FMR1: variants seen among roughly 807,000 people sequenced by gnomAD.
The protein encoded by FMR1 is FMRP translational regulator 1.
A neutral mutation model predicts 50.6 loss-of-function variants in FMR1; 13 were observed. The ratio of observed to expected loss-of-function variants is 0.26; its 90% CI spans 0.17 to 0.41. The LOEUF is 0.41. Ranked by LOEUF, FMR1 falls within the 10% of genes least tolerant of loss-of-function variation. The pLI, the probability that FMR1 is intolerant of heterozygous loss-of-function variation, is 1.00. For synonymous variants in FMR1, 138 were observed against 164.1 expected, an observed-to-expected ratio of 0.84 and a Z score of 1.22; for missense variants, 316 against 491.3, an observed-to-expected ratio of 0.64 and a Z score of 3.37.
chrX:147,933,540 C>T (rs1369226514), intron 9 of FMR1: 20 of 904,665 alleles, frequency 2.2e-5, no homozygotes, highest in Admixed American at 6.4e-5. Context: ...CCATCACCAT[C>T]GTGAGTATCA....
chrX:147,930,929 A>G (rs1348680763), intron 7 of FMR1: 1 of 112,237 alleles, frequency 8.9e-6, no homozygotes, highest in Non-Finnish European at 1.9e-5. Flanking sequence ...ATAGTAAAGA[A>G]AAAAAGGAGT....
chrX:147,945,292 C>T, intron 15 of FMR1, among the ~76,000 whole-genome samples: 1 of 112,008 alleles, frequency 8.9e-6, no homozygotes, highest in Non-Finnish European at 1.9e-5. Flanking sequence ...CTTGGTGGGT[C>T]TAAACAGCAT....
At chrX:147,931,959 T>G (rs910352050) in intron 7 of FMR1, among the ~76,000 whole-genome samples, 2 of 111,923 alleles carry the variant, frequency 1.8e-5, no homozygotes, top group African/African-American at 6.5e-5. Context: ...TGGCACTGTT[T>G]CCAGAAAATA....
In FMR1 at chrX:147,944,669, T is replaced by C. The variant is rs2044113395; in HGVS notation, c.1472-200T>C. 6.7e-6 allele frequency: 7 copies of C among 1,049,880 alleles called. No homozygotes were observed. The South Asian group carries it at 8.6e-5, about 13-fold the overall frequency. 86.5% of individuals were successfully genotyped at this position (1,049,880 alleles called of 1,213,427 possible). ...GAATGAAACATGTTTATAACCAAAA[T>C]TAACCTCAAATATTGCAAAGCCCTT... On this transcript the variant is annotated intron_variant, in intron 14 of 16. Coordinates refer to ENST00000370475, the MANE Select transcript of FMR1 (RefSeq NM_002024.6).
In FMR1 at chrX:147,938,022, G is replaced by T. The variant is rs2043850813; in HGVS notation, c.1126-77G>T. 4 of 791,296 alleles carry T rather than the reference G, an allele frequency of 5.1e-6. No homozygotes were observed. In the South Asian group the frequency reaches 8.2e-5, roughly 16 times the overall value. 65.2% of individuals were successfully genotyped at this position (791,296 alleles called of 1,213,427 possible). A position where few individuals can be genotyped will look rare whatever the true frequency, so the allele number is the denominator to read the frequency against. On this transcript the variant is annotated intron_variant, in intron 11 of 16. Coordinates refer to ENST00000370475, the MANE Select transcript of FMR1 (RefSeq NM_002024.6). ...GAAATGGGTTTAAAAGTCCTGCAGT[G>T]AAAGTCCTGCGTTCAGGCTTCTGTG... is the stretch of plus-strand genomic sequence containing the variant.
At chrX:147,912,252 C>T in intron 1 of FMR1, 22 bp downstream of exon 1, 1 of 1,148,620 alleles carries the variant, frequency 8.7e-7, no homozygotes, top group Non-Finnish European at 1.2e-6. Context: ...TAGGGCAGGC[C>T]CCATCTTCGC....
At chrX:147,940,118 G>T (rs2043939584) in intron 12 of FMR1, 1 of 77,669 alleles carries the variant, frequency 1.3e-5, no homozygotes, top group Admixed American at 1.9e-4. Context: ...CCGAGATCCC[G>T]CCACTGCACT....
rs1337331421 is a variant in FMR1, at chrX:147,950,632, T to C, written c.*1788T>C. ...GTTTCAATAAAGTTTGATCTTCCTC[T>C]GCTAAATTGATGTTGATGCAATCCT... is the stretch of plus-strand genomic sequence containing the variant. On this transcript the variant is annotated 3_prime_UTR_variant, in exon 17 of 17. Transcript: ENST00000370475. The C allele has an allele frequency of 9.2e-6, 3 of 327,393 alleles. No homozygotes were observed. Among genetic ancestry groups the C allele is most frequent in the African/African-American group, 2.6e-5 (1 of 37,794 alleles). 27.0% of individuals were successfully genotyped at this position (327,393 alleles called of 1,213,427 possible). A position where few individuals can be genotyped will look rare whatever the true frequency, so the allele number is the denominator to read the frequency against.
In FMR1 at chrX:147,912,113, G is replaced by GCGGCGGCGGCGGCGGCGGCGGCGGA. The variant is rs1557173927; in HGVS notation, c.-67_-66insCGGCGGCGGCGGCGGCGGCGGCGGA. The GCGGCGGCGGCGGCGGCGGCGGCGGA allele has an allele frequency of 2.5e-6, 2 of 789,273 alleles. No homozygotes were observed. The highest frequency in any genetic ancestry group is 3.2e-6 in the Non-Finnish European group (2 of 628,708). The allele number at this position is 789,273 out of a possible 1,213,427, so 65.0% of individuals were successfully genotyped here. ...GGCGGCGGCGGCGGCGGCGGCGGCTGGGCCTCGAGCGCCCGCAGCCCACCT... is the reference window on the plus strand; with the variant it reads ...GGCGGCGGCGGCGGCGGCGGCGGCTGCGGCGGCGGCGGCGGCGGCGGCGGAGGCCTCGAGCGCCCGCAGCCCACCT... On this transcript the variant is annotated 5_prime_UTR_variant, in exon 1 of 17. Transcript: ENST00000370475.
At position 147,944,958 on chromosome X, in the gene FMR1, G is replaced by A; in HGVS notation, c.1561G>A (p.Glu521Lys). 1 of 1,208,787 alleles carries A rather than the reference G, an allele frequency of 8.3e-7. No homozygotes were observed. ...SDWSLAPTEEERESFLRRGDG... is the reference protein window; with the variant it reads ...SDWSLAPTEEKRESFLRRGDG... ...TTGGTCATTAGCTCCAACAGAGGAA[G>A]AGAGGGAGAGCTTCCTGCGCAGAGG... The change falls in exon 15 of 17, where the codon GAG becomes AAG. Residue 521 changes from glutamate (E) to lysine (K), a missense_variant. Glu to Lys is a moderately conservative substitution (Grantham distance 56, BLOSUM62 1). Coordinates refer to ENST00000370475, the MANE Select transcript of FMR1 (RefSeq NM_002024.6).
intron 14 of FMR1, chrX:147,944,536 A>G (rs782467819): frequency 1.3e-6 from 1 of 752,077 alleles, no homozygotes; most frequent in Admixed American, 8.8e-5. Context: ...GTCGTGGATA[A>G]TCTTTTCCTC....
intron 7 of FMR1, among the ~76,000 whole-genome samples, chrX:147,932,090 C>A (rs534518883): frequency 1.8e-5 from 2 of 111,607 alleles, no homozygotes; most frequent in East Asian, 5.6e-4. Flanking sequence ...CTGGTTTTTA[C>A]TGGGGAACAT....
chrX:147,938,207 A>G, intron 12 of FMR1, 46 bp downstream of exon 12: 1 of 968,899 alleles, frequency 1.0e-6, no homozygotes, highest in Non-Finnish European at 1.5e-6. Flanking sequence ...TTATATTTTA[A>G]TGTTTATTCC....
At chrX:147,933,410 T>C in intron 9 of FMR1, 4 of 973,105 alleles carry the variant, frequency 4.1e-6, no homozygotes, top group Non-Finnish European at 5.4e-6. Flanking sequence ...GGGTTGAAGA[T>C]CTGAACATAG....
intron 14 of FMR1, chrX:147,944,182 G>T: frequency 1.3e-6 from 1 of 753,247 alleles, no homozygotes; most frequent in Non-Finnish European, 1.6e-6. Flanking sequence ...ATGAATTTCT[G>T]CCTCACCGTG....
intron 14 of FMR1, 161 bp from the exon 15 acceptor site, chrX:147,944,708 A>T (rs2044114377): frequency 3.8e-6 from 4 of 1,051,434 alleles, no homozygotes; most frequent in Non-Finnish European, 4.9e-6. Flanking sequence ...TTTGAGTTTA[A>T]AATTTTGTTT....
intron 1 of FMR1, chrX:147,913,842 G>A (rs2042717446): frequency 9.0e-6 from 1 of 111,687 alleles, no homozygotes; most frequent in African/African-American, 3.3e-5. Flanking sequence ...TAGATTAGTG[G>A]TTTTGGTCAC....
At chrX:147,944,049 T>C (rs190754519) in intron 14 of FMR1, 1 of 407,790 alleles carries the variant, frequency 2.5e-6, no homozygotes, top group African/African-American at 2.7e-5. Context: ...GGTCATTAGC[T>C]CCAACAGAGG....
At chrX:147,922,049 T>G in intron 2 of FMR1, 64 bp downstream of exon 2, 1 of 704,732 alleles carries the variant, frequency 1.4e-6, no homozygotes. Context: ...AATTCTACTC[T>G]TCATTTTTTA....
Sources: allele counts gnomAD v4.1 joint callset (sites outside exome capture counted in the v4.1 genomes callset), GRCh38; gene constraint gnomAD v4.1.1; transcripts MANE v1.5; gene names NCBI Gene and HGNC (gene_info 2026-07-23, HGNC 2026-07-21).